Variants in UPRT observed in about 807,000 individuals in gnomAD.
The protein encoded by UPRT is RP11-311P8.3.
In UPRT, 5 loss-of-function variants were observed where a neutral mutation model predicts 22.6. The observed-to-expected ratio is 0.22, with a 90% CI of 0.12 to 0.47. The LOEUF is 0.47. Among genes scored for constraint, UPRT ranks in the 20% least tolerant of loss-of-function variants. UPRT has a pLI of 0.99. For missense variants in UPRT, 181 were observed against 239.9 expected, an observed-to-expected ratio of 0.75 and a Z score of 1.62; for synonymous variants, 77 against 87.7, an observed-to-expected ratio of 0.88 and a Z score of 0.68.
rs1213380250 is a variant in UPRT, at chrX:75,265,611, T to C, written c.-446-25413T>C. ...CTTTTTTCAATGTTTTTAACTTCTT[T>C]GCCATGGGTTCAAACTTCCTCCTTT... On this transcript the variant is annotated intron_variant, in intron 4 of 13. Transcript: ENST00000652605. 2.7e-5 allele frequency among the ~76,000 whole-genome samples: 3 copies of C among 111,775 alleles called. 1 individual carries two copies. The highest frequency in any genetic ancestry group is 8.5e-3 in the Middle Eastern group (2 of 236).
chrX:75,238,231 C>T (rs1420771794), intron 4 of UPRT, among the ~76,000 whole-genome samples: 1 of 111,059 alleles, frequency 9.0e-6, no homozygotes, highest in Non-Finnish European at 1.9e-5. Context: ...CTGTCTTCAA[C>T]AGACTCACCT....
chrX:75,184,017 C>T (rs1203786262), intron 4 of UPRT, among the ~76,000 whole-genome samples: 2 of 112,230 alleles, frequency 1.8e-5, no homozygotes, highest in Non-Finnish European at 3.8e-5. Flanking sequence ...TGCAGAAGCA[C>T]TTTAGTTTAA....
chrX:75,236,498 C>T (rs2082464760), intron 4 of UPRT, among the ~76,000 whole-genome samples: 1 of 111,668 alleles, frequency 9.0e-6, no homozygotes, highest in South Asian at 3.7e-4. Flanking sequence ...CAAGTCAATC[C>T]TGAGCCAAAA....
At chrX:75,246,554 G>A (rs1433243486) in intron 4 of UPRT, among the ~76,000 whole-genome samples, 9 of 110,795 alleles carry the variant, frequency 8.1e-5, no homozygotes, top group African/African-American at 1.3e-4. Flanking sequence ...GAATAGTGCT[G>A]CAATAAACAT....
At position 75,299,692 on chromosome X, in the gene UPRT, T is replaced by G. The variant is rs192578725; in HGVS notation, c.563-43T>G. On this transcript the variant is annotated intron_variant, in intron 4 of 6. Coordinates refer to ENST00000373383, the MANE Select transcript of UPRT (RefSeq NM_145052.4). ...CTTTGGCCTGTTCTTGGACTTTCTC[T>G]CTCTTTCCCCTAATCTTTTTTCTTT... The G allele has an allele frequency of 6.6e-4, 765 of 1,163,559 alleles. 7 individuals carry two copies. The African/African-American group carries it at 0.013, about 19-fold the overall frequency.
At chrX:75,258,203 T>C (rs2082555525) in intron 4 of UPRT, among the ~76,000 whole-genome samples, 1 of 103,218 alleles carries the variant, frequency 9.7e-6, no homozygotes, top group African/African-American at 3.5e-5. Context: ...GTTTTTTTTT[T>C]TTTTTTCCTT....
intron 4 of UPRT, among the ~76,000 whole-genome samples, chrX:75,261,258 C>A (rs2082566749): frequency 9.0e-6 from 1 of 110,897 alleles, no homozygotes. Context: ...AAGATCAGAG[C>A]AGAACTGAAA....
At chrX:75,157,026 C>G (rs766167692) in intron 1 of UPRT, among the ~76,000 whole-genome samples, 19 of 111,539 alleles carry the variant, frequency 1.7e-4, no homozygotes, top group African/African-American at 5.9e-4. Context: ...CTTAGGTTGG[C>G]TGAAGGGTGG....
At chrX:75,294,620 C>A in intron 2 of UPRT, 3 of 978,817 alleles carry the variant, frequency 3.1e-6, no homozygotes, top group Non-Finnish European at 4.0e-6. Flanking sequence ...TGCTTTTCAT[C>A]GTAAGTATTC....
intron 4 of UPRT, among the ~76,000 whole-genome samples, chrX:75,241,474 G>A (rs2082488341): frequency 9.0e-6 from 1 of 111,551 alleles, no homozygotes; most frequent in Non-Finnish European, 1.9e-5. Context: ...CACTGCTGTT[G>A]GGAATGTAAA....
upstream of UPRT, among the ~76,000 whole-genome samples, chrX:75,269,109 C>G (rs1259545615): frequency 9.0e-6 from 1 of 110,706 alleles, no homozygotes; most frequent in African/African-American, 3.3e-5. Context: ...TTCCTATACA[C>G]CAATAACAGA....
intron 4 of UPRT, among the ~76,000 whole-genome samples, chrX:75,193,628 C>T (rs1444597341): frequency 1.8e-5 from 2 of 111,356 alleles, no homozygotes; most frequent in East Asian, 5.6e-4. Flanking sequence ...TTTTATTATT[C>T]TTGGAGGTTT....
chrX:75,247,379 C>A (rs1180244455), intron 4 of UPRT, among the ~76,000 whole-genome samples: 1 of 111,615 alleles, frequency 9.0e-6, no homozygotes, highest in African/African-American at 3.3e-5. Flanking sequence ...GTCACTCCCA[C>A]TCTAATAATG....
intron 6 of UPRT, among the ~76,000 whole-genome samples, chrX:75,302,896 G>A (rs1431088605): frequency 1.8e-5 from 2 of 110,188 alleles, no homozygotes; most frequent in African/African-American, 3.3e-5. Context: ...ATCATCTTAC[G>A]TGTGTTCCTC....
intron 4 of UPRT, among the ~76,000 whole-genome samples, chrX:75,259,727 GC>G (rs1456280532): frequency 3.6e-5 from 4 of 110,994 alleles, no homozygotes; most frequent in Non-Finnish European, 7.5e-5. Context: ...AGCAAGACAT[GC>G]CAACATTCAA....
chrX:75,265,450 C>T (rs936612497), intron 4 of UPRT, among the ~76,000 whole-genome samples: 4 of 111,821 alleles, frequency 3.6e-5, no homozygotes, highest in African/African-American at 1.3e-4. Flanking sequence ...TCACTTATAC[C>T]CTTTCTTCAA....
chrX:75,238,476 T>C (rs1218614657), intron 4 of UPRT, among the ~76,000 whole-genome samples: 1 of 111,696 alleles, frequency 9.0e-6, no homozygotes, highest in East Asian at 2.8e-4. Context: ...CTTCCAAATT[T>C]ATAAAATATT....
intron 4 of UPRT, among the ~76,000 whole-genome samples, chrX:75,228,638 G>C (rs1389657815): frequency 9.0e-6 from 1 of 111,576 alleles, no homozygotes; most frequent in Non-Finnish European, 1.9e-5. Flanking sequence ...GACTTGCTTG[G>C]AGGGTGAAAT....
chrX:75,219,547 A>G (rs927215357), intron 4 of UPRT, among the ~76,000 whole-genome samples: 28 of 111,671 alleles, frequency 2.5e-4, no homozygotes, highest in African/African-American at 8.8e-4. Flanking sequence ...AATATAATAA[A>G]TAAATATAAG....
Sources: gnomAD v4.1 joint callset for allele counts (sites outside exome capture counted in the v4.1 genomes callset) on GRCh38, gnomAD v4.1.1 for gene constraint, MANE v1.5 for transcripts, NCBI Gene and HGNC (gene_info 2026-07-23, HGNC 2026-07-21) for gene names.